The following SYCE1L variants were observed in gnomAD, a reference collection of about 807,000 sequenced individuals.
SYCE1L encodes synaptonemal complex central element protein 1-like.
A neutral mutation model predicts 39.6 loss-of-function variants in SYCE1L; 51 were observed. That is an observed-to-expected ratio of 1.29 (90% confidence interval 1.03 to 1.63). SYCE1L has a LOEUF of 1.63. Ranked by LOEUF, SYCE1L falls within the 40% of genes most tolerant of loss-of-function variation. The pLI is 0.00. For synonymous variants in SYCE1L, 147 were observed against 122.4 expected (o/e 1.20, Z -1.33); for missense variants, 426 against 304.9 (o/e 1.40, Z -2.96).
chr16:77,203,258 G>C (rs2054759444), intron 1 of SYCE1L, among the ~76,000 whole-genome samples: 1 of 152,228 alleles, frequency 6.6e-6, no homozygotes, highest in East Asian at 1.9e-4. Context: ...GGGAAAAGGA[G>C]TGACTTGGAG....
chr16:77,201,196 GA>G (rs1267389451), intron 1 of SYCE1L: 2 of 152,190 alleles, frequency 1.3e-5, no homozygotes, highest in Non-Finnish European at 2.9e-5. Context: ...TTCAAGAGCA[GA>G]GAGCTCTTTT....
intron 1 of SYCE1L, among the ~76,000 whole-genome samples, chr16:77,205,615 T>C (rs2054780900): frequency 6.6e-6 from 1 of 152,142 alleles, no homozygotes; most frequent in Non-Finnish European, 1.5e-5. Flanking sequence ...AACCAGGTTT[T>C]CTTGTGCAGT....
In SYCE1L at chr16:77,207,708, C is replaced by G. The variant is rs759192135; in HGVS notation, c.122-502C>G. ...CTTCCCACTTCCCCCACCTTACTTT[C>G]TGCTACTCTCCACTTGCTCACTAGA... On this transcript the variant is annotated intron_variant, in intron 2 of 10. Coordinates refer to ENST00000378644, the MANE Select transcript of SYCE1L (RefSeq NM_001129979.3). 5.5e-4 allele frequency among the ~76,000 whole-genome samples: 84 copies of G among 152,284 alleles called. 2 individuals carry two copies. Among genetic ancestry groups the G allele is most frequent in the Non-Finnish European group, 2.5e-4 (17 of 68,024 alleles).
chr16:77,200,764 AAG>A (rs878977159), intron 1 of SYCE1L: 1,248 of 104,224 alleles, frequency 0.012, 22 homozygotes, highest in African/African-American at 0.032. Context: ...AAAAAAAAAA[AAG>A]AAAAAACAAA....
In SYCE1L at chr16:77,212,149, C is replaced by T. The variant is rs552208281; in HGVS notation, c.443C>T (p.Ala148Val). The change falls in exon 8 of 11, where the codon GCC becomes GTC. Residue 148 changes from alanine (A) to valine (V), a missense_variant. Coordinates refer to ENST00000378644, the MANE Select transcript of SYCE1L (RefSeq NM_001129979.3). ...WEFHMLEQRL[A>V]REIRALERSK... is the part of the protein sequence containing the mutation. The stretch of plus-strand genomic sequence containing the variant: ...TCGCAGATGCTGGAGCAGCGACTGG[C>T]CCGGGAGATCCGTGCCCTGGAGAGA... 4.5e-6 allele frequency: 7 copies of T among 1,548,666 alleles called. No homozygotes were observed. Among genetic ancestry groups the T allele is most frequent in the Non-Finnish European group, 6.1e-6 (7 of 1,146,358 alleles).
chr16:77,211,998 G>A (rs968283681), intron 7 of SYCE1L, 132 bp from the exon 8 acceptor site: 2 of 1,049,464 alleles, frequency 1.9e-6, no homozygotes, highest in Non-Finnish European at 2.7e-6. Flanking sequence ...ACTGCACATT[G>A]AGTTAATAAA....
At chr16:77,205,113 C>G (rs991592812) in intron 1 of SYCE1L, among the ~76,000 whole-genome samples, 1 of 151,234 alleles carries the variant, frequency 6.6e-6, no homozygotes, top group Admixed American at 6.6e-5. Flanking sequence ...TGAATTATCT[C>G]CAGGTACCTA....
At chr16:77,209,287 A>T in intron 5 of SYCE1L, 130 bp from the exon 6 acceptor site, 1 of 1,346,946 alleles carries the variant, frequency 7.4e-7, no homozygotes, top group Non-Finnish European at 1.0e-6. Flanking sequence ...GGATTGCTAC[A>T]TCACTTGGAG....
chr16:77,202,560 C>A lies in SYCE1L; in HGVS notation c.61+3048C>A, dbSNP rs114846810. Among the ~76,000 whole-genome samples, 550 of 152,208 alleles carry A rather than the reference C, an allele frequency of 3.6e-3. 8 individuals carry two copies. Among genetic ancestry groups the A allele is most frequent in the African/African-American group, 0.013 (535 of 41,508 alleles). ...AGGAAAAACACAGATGGAGCTTCTG[C>A]AGAAATGGTTGCAAATGCCAGCCAT... On this transcript the variant is annotated intron_variant, in intron 1 of 10. Coordinates refer to ENST00000378644, the MANE Select transcript of SYCE1L (RefSeq NM_001129979.3).
intron 4 of SYCE1L, 149 bp downstream of exon 4, chr16:77,208,688 C>G (rs2054802862): frequency 1.3e-6 from 1 of 799,082 alleles, no homozygotes; most frequent in Non-Finnish European, 2.0e-6. Flanking sequence ...TCTTTCAGCT[C>G]TCAGCTCAAA....
chr16:77,208,464 G>A lies in SYCE1L; in HGVS notation c.182-1G>A. The A allele has an allele frequency of 6.4e-7, 1 of 1,551,690 alleles. No individual in the cohort carries two copies. Among genetic ancestry groups the A allele is most frequent in the Non-Finnish European group, 8.7e-7 (1 of 1,146,996 alleles). On this transcript the variant is annotated splice_acceptor_variant, in intron 3 of 10. Transcript: ENST00000378644. LOFTEE classifies it high-confidence loss of function. ...AGTGTCTTTTTCCCTTCTTGGCCCAGCAAAGAAGAAATCCAGTGAGGAACT... is the reference window on the plus strand; with the variant it reads ...AGTGTCTTTTTCCCTTCTTGGCCCAACAAAGAAGAAATCCAGTGAGGAACT...
chr16:77,211,129 G>A, intron 6 of SYCE1L, 84 bp from the exon 7 acceptor site: 10 of 1,443,680 alleles, frequency 6.9e-6, no homozygotes, highest in Non-Finnish European at 8.6e-6. Context: ...GCATGGGCAG[G>A]ATCTGAAGGC....
Position 77,212,997 on chromosome 16 carries a change from C to A in SYCE1L, c.*66C>A. The A allele has an allele frequency of 4.3e-6, 6 of 1,405,226 alleles. No homozygotes were observed. The highest frequency in any genetic ancestry group is 5.6e-6 in the Non-Finnish European group (6 of 1,062,948). The allele number at this position is 1,405,226 out of a possible 1,614,324, so 87.0% of individuals were successfully genotyped here. On this transcript the variant is annotated 3_prime_UTR_variant, in exon 11 of 11. Coordinates refer to ENST00000378644, the MANE Select transcript of SYCE1L (RefSeq NM_001129979.3). ...CGCCAAGAAATAAAGGCGATGATTT[C>A]CGACCATGCTCGCGTTCTCCGCGGA...
At chr16:77,208,661 T>G in intron 4 of SYCE1L, 122 bp downstream of exon 4, 1 of 949,114 alleles carries the variant, frequency 1.1e-6, no homozygotes, top group Non-Finnish European at 1.6e-6. Flanking sequence ...TGTATTGCCT[T>G]TCACTGTCTC....
chr16:77,201,688 C>T (rs1267653710), intron 1 of SYCE1L: 2 of 152,016 alleles, frequency 1.3e-5, no homozygotes, highest in African/African-American at 2.4e-5. Flanking sequence ...GAAGTAGTCA[C>T]AGAAATTGCT....
At position 77,212,387 on chromosome 16, in the gene SYCE1L, G is replaced by A. The variant is rs2054830687; in HGVS notation, c.581+18G>A. The stretch of plus-strand genomic sequence containing the variant: ...AATGACGGGTGAGAGGGGAAGGGAG[G>A]AGTGGGCGAGGAGGGCAGGGGCAGG... On this transcript the variant is annotated intron_variant, in intron 9 of 10. Coordinates refer to ENST00000378644, the MANE Select transcript of SYCE1L (RefSeq NM_001129979.3). 1 of 1,526,698 alleles carries A rather than the reference G, an allele frequency of 6.6e-7. No homozygotes were observed. The highest frequency in any genetic ancestry group is 8.8e-7 in the Non-Finnish European group (1 of 1,138,318). The allele number at this position is 1,526,698 out of a possible 1,614,324, so 94.6% of individuals were successfully genotyped here.
chr16:77,204,891 A>C (rs2054774333), intron 1 of SYCE1L, among the ~76,000 whole-genome samples: 1 of 151,902 alleles, frequency 6.6e-6, no homozygotes, highest in Non-Finnish European at 1.5e-5. Flanking sequence ...CTAAAATACA[A>C]AAAATTAACC....
Position 77,213,105 on chromosome 16 carries a change from C to A in SYCE1L, c.*174C>A. ...TGCCGGACCCCTCCCACCAGTCGAG[C>A]CCCGGGCGCCGTACAGAGGCTGGGT... On this transcript the variant is annotated 3_prime_UTR_variant, in exon 11 of 11. Transcript: ENST00000378644. 1.7e-6 allele frequency: 1 copy of A among 587,032 alleles called. No individual in the cohort carries two copies. Among genetic ancestry groups the A allele is most frequent in the Non-Finnish European group, 2.6e-6 (1 of 379,320 alleles). The allele number at this position is 587,032 out of a possible 1,614,324, so 36.4% of individuals were successfully genotyped here.
rs2054836055 is a variant in SYCE1L at position 77,212,887 on chromosome 16, G to C, written c.685G>C (p.Glu229Gln). Reference sequence around the variant, plus strand: ...ACCTGAGCTCCCCCGCGCTCGCGACGAGGAGGATCCCGAGCCGCCGGTGGC... The same window carrying C: ...ACCTGAGCTCCCCCGCGCTCGCGACCAGGAGGATCCCGAGCCGCCGGTGGC... ...AGPELPRARD[E>Q]EDPEPPVAAP... The change falls in exon 11 of 11, where the codon GAG becomes CAG. Residue 229 changes from glutamate to glutamine, a missense_variant. Transcript: ENST00000378644. 5.2e-6 allele frequency: 8 copies of C among 1,528,608 alleles called. No homozygotes were observed. The highest frequency in any genetic ancestry group is 1.2e-5 in the South Asian group (1 of 82,656). 94.7% of individuals were successfully genotyped at this position (1,528,608 alleles called of 1,614,324 possible). A position where few individuals can be genotyped will look rare whatever the true frequency, so the allele number is the denominator to read the frequency against.
Sources: allele counts gnomAD v4.1 joint callset (sites outside exome capture counted in the v4.1 genomes callset), GRCh38; gene constraint gnomAD v4.1.1; transcripts MANE v1.5; gene names NCBI Gene and HGNC (gene_info 2026-07-23, HGNC 2026-07-21).